USH2A: variants seen among roughly 807,000 people sequenced by gnomAD.
The protein encoded by USH2A is usherin.
In USH2A, 443 loss-of-function variants were observed where a neutral mutation model predicts 538.9. The observed-to-expected ratio is 0.82, with a 90% CI of 0.76 to 0.89. The LOEUF (loss-of-function observed/expected upper bound fraction) is 0.89, where lower values mean the gene tolerates loss of function less well. Ranked by LOEUF, USH2A falls within the 40% of genes least tolerant of loss-of-function variation. USH2A has a pLI of 0.00. For synonymous variants in USH2A, 2,413 were observed against 2,273.5 expected, an observed-to-expected ratio of 1.06 and a Z score of -1.75; for missense variants, 6,633 against 6,324.8, an observed-to-expected ratio of 1.05 and a Z score of -1.65.
chr1:216,106,120 T>C (rs1044831781), intron 21 of USH2A, among the ~76,000 whole-genome samples: 2 of 149,096 alleles, frequency 1.3e-5, no homozygotes, highest in Admixed American at 6.7e-5. Context: ...AACGAAAACT[T>C]GATCCCTATC....
At chr1:215,838,551 A>G (rs966196728) in intron 46 of USH2A, among the ~76,000 whole-genome samples, 3 of 152,208 alleles carry the variant, frequency 2.0e-5, no homozygotes, top group African/African-American at 7.2e-5. Flanking sequence ...TGTCTAATGG[A>G]GGAAAAATGA....
intron 23 of USH2A, 72 bp downstream of exon 23, chr1:216,088,941 T>A: frequency 6.3e-7 from 1 of 1,592,948 alleles, no homozygotes; most frequent in East Asian, 2.2e-5. Flanking sequence ...AATGTAGGAA[T>A]ATAAACAACA....
intron 21 of USH2A, among the ~76,000 whole-genome samples, chr1:216,159,016 T>A (rs575027707): frequency 6.6e-6 from 1 of 152,322 alleles, no homozygotes; most frequent in South Asian, 2.1e-4. Context: ...TGTTTTTTGC[T>A]ATTCAATAGA....
intron 30 of USH2A, among the ~76,000 whole-genome samples, chr1:216,058,914 TA>T (rs2031079253): frequency 6.6e-6 from 1 of 152,142 alleles, no homozygotes; most frequent in Non-Finnish European, 1.5e-5. Flanking sequence ...AGGCTTAAAA[TA>T]AATATGAAAC....
intron 65 of USH2A, among the ~76,000 whole-genome samples, 196 bp from the exon 66 acceptor site, chr1:215,648,962 A>C (rs914219842): frequency 5.9e-5 from 9 of 152,212 alleles, no homozygotes; most frequent in Admixed American, 2.0e-4. Context: ...TAGGTGAAAA[A>C]TCTGATAATG....
Position 215,988,189 on chromosome 1 carries a change from C to T in USH2A, c.6805+4831G>A, listed in dbSNP as rs549593747. ...CCATTGAACAGCAACTCTCCATTTC[C>T]CCCTTCCACCCAGACCTTGGTAACC... On this transcript the variant is annotated intron_variant, in intron 35 of 71. Coordinates refer to ENST00000307340, the MANE Select transcript of USH2A (RefSeq NM_206933.4). Among the ~76,000 whole-genome samples, 14 of 151,966 alleles carry T rather than the reference C, an allele frequency of 9.2e-5. No individual in the cohort carries two copies. The South Asian group carries it at 2.9e-3, about 32-fold the overall frequency.
At chr1:215,630,864 TAAA>T (rs564956710) in intron 70 of USH2A, among the ~76,000 whole-genome samples, 1 of 135,460 alleles carries the variant, frequency 7.4e-6, no homozygotes. Flanking sequence ...ACAAACAAAT[TAAA>T]AAAAAAAAAA....
rs75675652 is a variant in USH2A, at chr1:216,069,780, G to A, written c.6049+321C>T. On this transcript the variant is annotated intron_variant, in intron 30 of 71. Coordinates refer to ENST00000307340, the MANE Select transcript of USH2A (RefSeq NM_206933.4). ...AGTAAATTTTTGCTTTGTGAAATAA[G>A]TATTTATACATAGGATTTCCAAAAG... Among the ~76,000 whole-genome samples, 1,052 of 152,212 alleles carry A rather than the reference G, an allele frequency of 6.9e-3. 13 individuals are homozygous for A. Among genetic ancestry groups the A allele is most frequent in the African/African-American group, 0.024 (983 of 41,534 alleles).
Position 215,625,791 on chromosome 1 carries a change from G to A in USH2A, c.15599C>T (p.Thr5200Ile). The A allele has an allele frequency of 6.2e-7, 1 of 1,614,048 alleles. No homozygotes were observed. Reference protein sequence around the residue: ...VTKERTTFTDTHL With the variant: ...VTKERTTFTDIHL ...CTGGGTTTCCATCCTTTACAGGTGG[G>A]TGTCTGTGAATGTGGTGCGTTCCTT... is the stretch of plus-strand genomic sequence containing the variant. Residue 5200 changes from threonine (T) to isoleucine (I), a missense_variant, in exon 72 of 72, where the codon ACC becomes ATC. By Grantham distance (89) the Thr-to-Ile change is moderately conservative. Coordinates refer to ENST00000307340, the MANE Select transcript of USH2A (RefSeq NM_206933.4).
chr1:216,003,842 C>A (rs949119516), intron 32 of USH2A, among the ~76,000 whole-genome samples: 13 of 152,124 alleles, frequency 8.5e-5, no homozygotes, highest in Non-Finnish European at 1.3e-4. Context: ...TCCTGGCTGC[C>A]AGACGTATAG....
intron 58 of USH2A, among the ~76,000 whole-genome samples, chr1:215,746,031 A>C (rs1294812973): frequency 2.0e-5 from 3 of 152,052 alleles, no homozygotes; most frequent in Non-Finnish European, 2.9e-5. Context: ...CAAAGACAGG[A>C]ACAAACATAG....
At chr1:215,791,274 T>C (rs1340041961) in intron 50 of USH2A, among the ~76,000 whole-genome samples, 2 of 152,224 alleles carry the variant, frequency 1.3e-5, no homozygotes, top group Non-Finnish European at 1.5e-5. Context: ...TGATGAATGA[T>C]TTATTTTAAT....
chr1:216,108,591 A>G (rs1418651859), intron 21 of USH2A, among the ~76,000 whole-genome samples: 1 of 151,958 alleles, frequency 6.6e-6, no homozygotes, highest in Non-Finnish European at 1.5e-5. Context: ...ATCTCCATGT[A>G]TGTTAAATCT....
chr1:216,205,733 A>T (rs1008926441), intron 16 of USH2A, among the ~76,000 whole-genome samples: 7 of 152,194 alleles, frequency 4.6e-5, no homozygotes, highest in African/African-American at 1.7e-4. Flanking sequence ...AGAGAACAAA[A>T]TAGAAACTTG....
intron 3 of USH2A, among the ~76,000 whole-genome samples, chr1:216,400,943 G>T (rs554987193): frequency 2.6e-5 from 4 of 152,162 alleles, no homozygotes; most frequent in Admixed American, 6.5e-5. Flanking sequence ...ACTAAAGGAA[G>T]TTCTTTAAAT....
rs1456042434 is a variant in USH2A, at chr1:215,836,549, A to ATTATATATATAATATATATAATATATAT, written c.9371+1441_9371+1442insATATATATTATATATATTATATATATAA. 1.2e-4 allele frequency among the ~76,000 whole-genome samples: 2 copies of ATTATATATATAATATATATAATATATAT among 16,056 alleles called. 1 individual carries two copies. The highest frequency in any genetic ancestry group is 2.0e-4 in the Non-Finnish European group (2 of 10,198). 10.5% of individuals were successfully genotyped at this position (16,056 alleles called of 152,430 possible). The stretch of plus-strand genomic sequence containing the variant: ...TATTATATATATATATATAATATAT[A>ATTATATATATAATATATATAATATATAT]TATATATATATATATATTTTTTTTT... On this transcript the variant is annotated intron_variant, in intron 47 of 71. Transcript: ENST00000307340.
intron 55 of USH2A, among the ~76,000 whole-genome samples, chr1:215,767,286 C>G (rs1261171408): frequency 6.6e-6 from 1 of 152,162 alleles, no homozygotes; most frequent in Non-Finnish European, 1.5e-5. Context: ...GTTATCAAAT[C>G]CCCCCTGAGT....
At position 215,752,109 on chromosome 1, in the gene USH2A, G is replaced by T. The variant is rs115987548; in HGVS notation, c.11389+6486C>A. On this transcript the variant is annotated intron_variant, in intron 58 of 71. Transcript: ENST00000307340. ...TCTCTGCCTCTCTCTCTCTTTGTGTGTATGTCTCTGTTTAAGATTAAGTTA... is the reference window on the plus strand; with the variant it reads ...TCTCTGCCTCTCTCTCTCTTTGTGTTTATGTCTCTGTTTAAGATTAAGTTA... Among the ~76,000 whole-genome samples the T allele has an allele frequency of 8.2e-3, 1,247 of 152,196 alleles. 15 individuals carry two copies. Among genetic ancestry groups the T allele is most frequent in the African/African-American group, 0.028 (1,152 of 41,548 alleles).
intron 30 of USH2A, among the ~76,000 whole-genome samples, chr1:216,067,478 C>T (rs1571930977): frequency 1.4e-5 from 2 of 143,890 alleles, no homozygotes; most frequent in Non-Finnish European, 3.0e-5. Context: ...CTGTAGAATA[C>T]ACTCACGGCC....
Sources: allele counts gnomAD v4.1 joint callset (sites outside exome capture counted in the v4.1 genomes callset), GRCh38; gene constraint gnomAD v4.1.1; transcripts MANE v1.5; gene names NCBI Gene and HGNC (gene_info 2026-07-23, HGNC 2026-07-21).